The following HDGFL2 variants were observed in gnomAD, a reference collection of about 807,000 sequenced individuals.
The protein encoded by HDGFL2 is HDGF like 2, also known as hepatoma-derived growth factor-related protein 2.
In HDGFL2, 36 loss-of-function variants were observed where a neutral mutation model predicts 77.1. The ratio of observed to expected loss-of-function variants is 0.47; its 90% confidence interval spans 0.36 to 0.62. HDGFL2 has a LOEUF of 0.62. HDGFL2 is among the 20% of genes least tolerant of loss of function. The pLI is 0.00. For missense variants in HDGFL2, 976 were observed against 973.4 expected, an observed-to-expected ratio of 1.00 and a Z score of -0.04; for synonymous variants, 463 against 413.1, an observed-to-expected ratio of 1.12 and a Z score of -1.46.
At chr19:4,488,547 A>T in intron 3 of HDGFL2, 129 bp from the exon 4 acceptor site, 2 of 832,802 alleles carry the variant, frequency 2.4e-6, no homozygotes, top group Non-Finnish European at 3.7e-6. Flanking sequence ...CCCCATTTGT[A>T]AAGCCAGGAG....
intron 3 of HDGFL2, among the ~76,000 whole-genome samples, chr19:4,483,318 T>G (rs1975269797): frequency 6.6e-6 from 1 of 152,112 alleles, no homozygotes; most frequent in Admixed American, 6.5e-5. Flanking sequence ...CGGAGGCTGG[T>G]GTGCGCCTGC....
Position 4,475,563 on chromosome 19 carries a change from G to A in HDGFL2, c.268G>A (p.Ala90Thr). 5 of 1,582,942 alleles carry A rather than the reference G, an allele frequency of 3.2e-6. No homozygotes were observed. The highest frequency in any genetic ancestry group is 4.3e-6 in the Non-Finnish European group (5 of 1,171,006). Residue 90 changes from alanine to threonine, a missense_variant, in exon 3 of 16, where the codon GCC becomes ACC. By Grantham distance (58) the Ala-to-Thr change is moderately conservative. This residue lies in a region of HDGFL2 where 103 missense variants were observed against 145.7 expected (regional missense o/e 0.71). Coordinates refer to ENST00000616600, the MANE Select transcript of HDGFL2 (RefSeq NM_001001520.3). ...GTGGGAGATCCAGAACAACCCCCAC[G>A]CCAGCTACAGCGCCCCTCCGGTGAG... ...GLWEIQNNPH[A>T]SYSAPPPVSS...
intron 4 of HDGFL2, among the ~76,000 whole-genome samples, chr19:4,490,877 T>TCGGCTCACCGCAAC (rs1568211583): frequency 6.6e-6 from 1 of 150,826 alleles, no homozygotes; most frequent in East Asian, 2.0e-4. Flanking sequence ...GATGGCGCAA[T>TCGGCTCACCGCAAC]CTCGGCTCAC....
chr19:4,493,810 C>A lies in HDGFL2; in HGVS notation c.786C>A (p.Ser262=). 1.9e-6 allele frequency: 3 copies of A among 1,538,640 alleles called. No homozygotes were observed. Among genetic ancestry groups the A allele is most frequent in the Non-Finnish European group, 2.6e-6 (3 of 1,138,854 alleles). The part of the protein sequence containing the change: ...RSASSSSSSS[S]SSDSDVSVKK... ...CGTCCTCCTCCTCCTCTTCCTCCTC[C>A]TCCTCCGACTCCGATGTGTCTGTGA... Residue 262 remains serine (S), a synonymous_variant, in exon 7 of 16, where the codon TCC becomes TCA. Transcript: ENST00000616600.
intron 15 of HDGFL2, 129 bp from the exon 16 acceptor site, chr19:4,501,780 TAG>T: frequency 1.6e-6 from 1 of 618,994 alleles, no homozygotes; most frequent in Non-Finnish European, 2.6e-6. Flanking sequence ...GACAGGCAGA[TAG>T]GAGGGCGGCA....
chr19:4,482,236 G>C (rs975012281), intron 3 of HDGFL2, among the ~76,000 whole-genome samples: 4 of 149,952 alleles, frequency 2.7e-5, no homozygotes, highest in Non-Finnish European at 5.9e-5. Context: ...TTGAGATGGA[G>C]TCTCGCTCTG....
At chr19:4,500,402 C>G (rs896220463) in intron 14 of HDGFL2, among the ~76,000 whole-genome samples, 2 of 151,394 alleles carry the variant, frequency 1.3e-5, no homozygotes, top group Non-Finnish European at 2.9e-5. Flanking sequence ...TCCTCCACCT[C>G]AGCCTCCTGA....
chr19:4,478,229 G>T (rs1449338770), intron 3 of HDGFL2, among the ~76,000 whole-genome samples: 1 of 148,818 alleles, frequency 6.7e-6, no homozygotes, highest in East Asian at 2.0e-4. Flanking sequence ...TTTTGATGGA[G>T]TCTCGCTCTG....
chr19:4,496,743 C>G (rs540852924), intron 10 of HDGFL2, among the ~76,000 whole-genome samples: 371 of 152,076 alleles, frequency 2.4e-3, no homozygotes, highest in Non-Finnish European at 2.8e-3. Flanking sequence ...CCAGGATGAC[C>G]CATCCCAGAG....
rs1334502180 is a variant in HDGFL2, at chr19:4,472,391, A to G, written c.41A>G (p.Lys14Arg). 6.8e-7 allele frequency: 1 copy of G among 1,460,674 alleles called. No homozygotes were observed. Among genetic ancestry groups the G allele is most frequent in the South Asian group, 1.2e-5 (1 of 80,114 alleles). 90.5% of individuals were successfully genotyped at this position (1,460,674 alleles called of 1,614,324 possible). Residue 14 changes from lysine (K) to arginine (R), a missense_variant, in exon 1 of 16, where the codon AAG (lysine) becomes AGG (arginine). This residue lies in a region of HDGFL2 where 31 missense variants were observed against 24.3 expected (regional missense o/e 1.27). Transcript: ENST00000616600. Reference sequence around the variant, plus strand: ...AAGCCCGGGGACTTGGTGTTCGCTAAGATGAAGGGCTACCCTCACTGGCCT... The same window carrying G: ...AAGCCCGGGGACTTGGTGTTCGCTAGGATGAAGGGCTACCCTCACTGGCCT... ...AFKPGDLVFA[K>R]MKGYPHWPAR...
At chr19:4,488,629 C>A in intron 3 of HDGFL2, 47 bp from the exon 4 acceptor site, 1 of 1,499,758 alleles carries the variant, frequency 6.7e-7, no homozygotes, top group South Asian at 1.2e-5. Context: ...TGGGGAAATC[C>A]ACCCACGACT....
chr19:4,483,444 C>A (rs913014297), intron 3 of HDGFL2, among the ~76,000 whole-genome samples: 1 of 152,224 alleles, frequency 6.6e-6, no homozygotes, highest in African/African-American at 2.4e-5. Context: ...CTGGCCCCCC[C>A]TCTTGACCAG....
At chr19:4,488,641 G>T in intron 3 of HDGFL2, 35 bp from the exon 4 acceptor site, 1 of 1,525,316 alleles carries the variant, frequency 6.6e-7, no homozygotes, top group South Asian at 1.2e-5. Context: ...CCCACGACTG[G>T]TGGTGACGCG....
rs560271376 is a variant in HDGFL2 at position 4,501,964 on chromosome 19, G to C, written c.1970G>C (p.Arg657Pro). The change falls in exon 16 of 16, where the codon CGC becomes CCC. Residue 657 changes from arginine (R) to proline (P), a missense_variant. Coordinates refer to ENST00000616600, the MANE Select transcript of HDGFL2 (RefSeq NM_001001520.3). ...LDRPGSDRQE[R>P]ERARGDSEAL... Reference sequence around the variant, plus strand: ...AGGCCTGGGAGCGACCGGCAGGAGCGCGAGAGGGCACGGGGGGACTCGGAG... The same window carrying C: ...AGGCCTGGGAGCGACCGGCAGGAGCCCGAGAGGGCACGGGGGGACTCGGAG... The C allele has an allele frequency of 1.3e-6, 2 of 1,506,446 alleles. No individual in the cohort carries two copies. Among genetic ancestry groups the C allele is most frequent in the African/African-American group, 2.8e-5 (2 of 70,622 alleles). The allele number at this position is 1,506,446 out of a possible 1,614,324, so 93.3% of individuals were successfully genotyped here. A position where few individuals can be genotyped will look rare whatever the true frequency, so the allele number is the denominator to read the frequency against.
In HDGFL2 at chr19:4,488,756, G is replaced by A; in HGVS notation, c.369G>A (p.Arg123=). 6.4e-7 allele frequency: 1 copy of A among 1,553,250 alleles called. No individual in the cohort carries two copies. The highest frequency in any genetic ancestry group is 1.4e-5 in the African/African-American group (1 of 73,352). ...ACGCTGACGAGGACGATGAGGACCG[G>A]GGGGTCATGGCCGTCACAGCGGTAA... The part of the protein sequence containing the change: ...GSDADEDDED[R]GVMAVTAVTA... Residue 123 remains arginine, a synonymous_variant, in exon 4 of 16, where the codon CGG becomes CGA. Transcript: ENST00000616600.
At chr19:4,488,651 G>A (rs1297266651) in intron 3 of HDGFL2, 25 bp from the exon 4 acceptor site, 59 of 1,533,214 alleles carry the variant, frequency 3.8e-5, no homozygotes, top group Non-Finnish European at 4.5e-5. Flanking sequence ...GTGGTGACGC[G>A]CGTTCTCTGC....
In HDGFL2 at chr19:4,475,515, A is replaced by G; in HGVS notation, c.220A>G (p.Arg74Gly). Residue 74 changes from arginine (R) to glycine (G), a missense_variant, in exon 3 of 16, where the codon AGG (arginine) becomes GGG (glycine). Transcript: ENST00000616600. ...CKDKYGKPNK[R>G]KGFNEGLWEI... is the part of the protein sequence containing the mutation. ...AGACAAGTACGGGAAGCCCAACAAG[A>G]GGAAAGGCTTCAATGAAGGGCTGTG... The G allele has an allele frequency of 1.2e-6, 2 of 1,603,874 alleles. No individual in the cohort carries two copies. Among genetic ancestry groups the G allele is most frequent in the Non-Finnish European group, 8.5e-7 (1 of 1,177,456 alleles).
At chr19:4,483,663 A>G (rs1975280641) in intron 3 of HDGFL2, among the ~76,000 whole-genome samples, 1 of 150,142 alleles carries the variant, frequency 6.7e-6, no homozygotes, top group African/African-American at 2.5e-5. Context: ...CATGCCTCTC[A>G]CCCATTCTCA....
intron 10 of HDGFL2, chr19:4,496,983 C>T (rs775356478): frequency 8.1e-5 from 31 of 381,350 alleles, no homozygotes; most frequent in South Asian, 3.7e-4. Flanking sequence ...AAGCGATTCT[C>T]CTGCCTCAGC....
Sources: allele counts gnomAD v4.1 joint callset (sites outside exome capture counted in the v4.1 genomes callset), GRCh38; gene constraint gnomAD v4.1.1; regional missense constraint gnomAD v4.1.1; transcripts MANE v1.5; gene names NCBI Gene and HGNC (gene_info 2026-07-23, HGNC 2026-07-21).